The following NSMCE2 variants were observed in gnomAD, a reference collection of about 807,000 sequenced individuals.
The protein encoded by NSMCE2 is E3 SUMO-protein ligase NSE2.
Under a neutral mutation model 23.8 loss-of-function variants are expected in NSMCE2, and 24 were observed. The ratio of observed to expected loss-of-function variants is 1.01; its 90% CI spans 0.73 to 1.42. The LOEUF (loss-of-function observed/expected upper bound fraction) is 1.42, where lower values mean the gene tolerates loss of function less well. Ranked by LOEUF, NSMCE2 falls within the 40% of genes most tolerant of loss-of-function variation. The probability of loss-of-function intolerance (pLI) is 0.00; values close to 1 mark genes in which losing one functional copy is unlikely to be tolerated. For synonymous variants in NSMCE2, 92 were observed against 94.1 expected (o/e 0.98, Z 0.13); for missense variants, 284 against 296.5 (o/e 0.96, Z 0.31).
chr8:125,261,745 T>TA (rs71295825), intron 5 of NSMCE2, among the ~76,000 whole-genome samples: 4,694 of 133,470 alleles, frequency 0.035, 72 homozygotes, highest in Non-Finnish European at 0.04. Flanking sequence ...TGTAAAGAAG[T>TA]AAAAAAAAAA....
chr8:125,121,585 C>G (rs1328927604), intron 3 of NSMCE2, among the ~76,000 whole-genome samples: 1 of 152,128 alleles, frequency 6.6e-6, no homozygotes, highest in East Asian at 1.9e-4. Flanking sequence ...ATCTGTATGT[C>G]TCAATCAAGA....
At chr8:125,302,762 A>G (rs770749012) in intron 5 of NSMCE2, among the ~76,000 whole-genome samples, 11 of 152,146 alleles carry the variant, frequency 7.2e-5, no homozygotes, top group Non-Finnish European at 1.5e-4. Flanking sequence ...TCATGATGTC[A>G]TACTGTCATT....
At chr8:125,138,401 T>A (rs1820179347) in intron 3 of NSMCE2, among the ~76,000 whole-genome samples, 1 of 151,986 alleles carries the variant, frequency 6.6e-6, no homozygotes, top group South Asian at 2.1e-4. Flanking sequence ...GATTTTTTTA[T>A]TTTTAGTAGA....
chr8:125,364,132 T>C (rs1201535337), intron 7 of NSMCE2, among the ~76,000 whole-genome samples: 1 of 151,996 alleles, frequency 6.6e-6, no homozygotes, highest in East Asian at 1.9e-4. Flanking sequence ...TTAGTAAAGA[T>C]AGGGTTTCGC....
chr8:125,172,884 T>A (rs1041542857), intron 4 of NSMCE2, among the ~76,000 whole-genome samples: 33 of 152,370 alleles, frequency 2.2e-4, no homozygotes, highest in African/African-American at 7.9e-4. Context: ...TGTAGATTTT[T>A]ATCTGACTGA....
intron 4 of NSMCE2, among the ~76,000 whole-genome samples, chr8:125,166,458 G>A (rs772348736): frequency 3.9e-5 from 6 of 152,054 alleles, no homozygotes; most frequent in Admixed American, 6.6e-5. Flanking sequence ...GTAGAGATGG[G>A]GATTCATCAT....
rs184877301 is a variant in NSMCE2 at position 125,288,490 on chromosome 8, A to G, written c.419-68729A>G. ...ATTTCTGTTGATTGATTGATTGCCT[A>G]TATCTCCTCAAATTCCTTTTACCAG... On this transcript the variant is annotated intron_variant, in intron 5 of 7. Coordinates refer to ENST00000287437, the MANE Select transcript of NSMCE2 (RefSeq NM_173685.4). 1.1e-3 allele frequency among the ~76,000 whole-genome samples: 167 copies of G among 152,270 alleles called. 1 individual carries two copies. In the Middle Eastern group the frequency reaches 0.014, roughly 12 times the overall value.
intron 5 of NSMCE2, among the ~76,000 whole-genome samples, chr8:125,292,220 GAAA>G (rs34130712): frequency 4.2e-5 from 6 of 141,754 alleles, no homozygotes; most frequent in Admixed American, 3.5e-4. Flanking sequence ...GCTATGGGAG[GAAA>G]AAAAAAAAAG....
chr8:125,272,630 T>TCTTGGGAGCTAGGCCAGGGTTGAAACCCC (rs199926006), intron 5 of NSMCE2, among the ~76,000 whole-genome samples: 2 of 148,284 alleles, frequency 1.3e-5, no homozygotes, highest in Admixed American at 6.7e-5. Context: ...ACCTTAACAC[T>TCTTGGGAGCTAGGCCAGGGTTGAAACCCC]TTATACTGCC....
At chr8:125,218,634 A>G (rs71516769) in intron 5 of NSMCE2, among the ~76,000 whole-genome samples, 10,066 of 151,238 alleles carry the variant, frequency 0.067, 432 homozygotes, top group South Asian at 0.16. Flanking sequence ...CTGGTCTTGA[A>G]CTCCTGACCT....
At chr8:125,258,640 A>C (rs939338855) in intron 5 of NSMCE2, among the ~76,000 whole-genome samples, 2 of 152,202 alleles carry the variant, frequency 1.3e-5, no homozygotes, top group African/African-American at 2.4e-5. Flanking sequence ...TCTAGAAAGT[A>C]AAATAATAGG....
intron 5 of NSMCE2, among the ~76,000 whole-genome samples, chr8:125,268,280 T>A (rs1385966630): frequency 6.6e-6 from 1 of 150,456 alleles, no homozygotes. Flanking sequence ...AACATTTGGT[T>A]AGTGAAATTA....
intron 5 of NSMCE2, among the ~76,000 whole-genome samples, chr8:125,353,545 C>T (rs1427372077): frequency 2.6e-5 from 4 of 152,154 alleles, no homozygotes; most frequent in African/African-American, 9.7e-5. Flanking sequence ...TTTCCAGAGA[C>T]CCCACCCCAC....
At chr8:125,143,892 G>T (rs1021395438) in intron 3 of NSMCE2, among the ~76,000 whole-genome samples, 3 of 152,154 alleles carry the variant, frequency 2.0e-5, no homozygotes, top group African/African-American at 7.2e-5. Flanking sequence ...GACCCATAAG[G>T]TATGAAGTGT....
intron 5 of NSMCE2, among the ~76,000 whole-genome samples, chr8:125,266,381 G>T (rs1233500544): frequency 6.6e-6 from 1 of 152,192 alleles, no homozygotes; most frequent in Non-Finnish European, 1.5e-5. Flanking sequence ...TCAGTGGCAT[G>T]TCTTATAAAG....
chr8:125,307,091 A>G (rs894403483), intron 5 of NSMCE2, among the ~76,000 whole-genome samples: 10 of 152,248 alleles, frequency 6.6e-5, no homozygotes, highest in African/African-American at 2.4e-4. Context: ...TTCACTTAAC[A>G]TGGAGGAAAG....
At chr8:125,249,309 G>T (rs916994949) in intron 5 of NSMCE2, among the ~76,000 whole-genome samples, 1 of 152,140 alleles carries the variant, frequency 6.6e-6, no homozygotes, top group African/African-American at 2.4e-5. Flanking sequence ...TCAGAGAGGG[G>T]AGAAATTTCA....
At chr8:125,334,297 T>G (rs571296125) in intron 5 of NSMCE2, among the ~76,000 whole-genome samples, 1 of 152,196 alleles carries the variant, frequency 6.6e-6, no homozygotes, top group Non-Finnish European at 1.5e-5. Context: ...CGTTAAGTAC[T>G]ATCTGTAGCA....
chr8:125,292,431 G>A (rs1313347160), intron 5 of NSMCE2, among the ~76,000 whole-genome samples: 1 of 151,986 alleles, frequency 6.6e-6, no homozygotes, highest in African/African-American at 2.4e-5. Context: ...GCACATGCTT[G>A]TAATCCCAGC....
Sources: gnomAD v4.1 joint callset for allele counts (sites outside exome capture counted in the v4.1 genomes callset) on GRCh38, gnomAD v4.1.1 for gene constraint, MANE v1.5 for transcripts, NCBI Gene and HGNC (gene_info 2026-07-23, HGNC 2026-07-21) for gene names.